PLCB1: variants seen among roughly 807,000 people sequenced by gnomAD.
PLCB1 encodes 1-phosphatidylinositol 4,5-bisphosphate phosphodiesterase beta-1.
Under a neutral mutation model 161.8 loss-of-function variants are expected in PLCB1, and 46 were observed. The observed-to-expected ratio is 0.28, with a 90% CI of 0.22 to 0.36. PLCB1 has a LOEUF of 0.36. Ranked by LOEUF, PLCB1 falls within the 10% of genes least tolerant of loss-of-function variation. PLCB1 has a pLI of 1.00. For missense variants in PLCB1, 1,016 were observed against 1,472.5 expected (o/e 0.69, Z 5.07); for synonymous variants, 517 against 503.7 (o/e 1.03, Z -0.35).
chr20:8,869,050 A>T (rs985385382), intron 31 of PLCB1, among the ~76,000 whole-genome samples: 3 of 152,194 alleles, frequency 2.0e-5, no homozygotes, highest in Non-Finnish European at 4.4e-5. Flanking sequence ...CTGAATGTTT[A>T]TTCTCTCAAG....
intron 23 of PLCB1, among the ~76,000 whole-genome samples, chr20:8,748,220 G>T (rs1340789291): frequency 6.6e-6 from 1 of 152,150 alleles, no homozygotes; most frequent in African/African-American, 2.4e-5. Flanking sequence ...ATACTGTACA[G>T]ATTTGGCATT....
intron 14 of PLCB1, among the ~76,000 whole-genome samples, chr20:8,719,599 C>A (rs1343097663): frequency 6.6e-6 from 1 of 152,008 alleles, no homozygotes; most frequent in Non-Finnish European, 1.5e-5. Flanking sequence ...CAAAAACAGG[C>A]AAAACTAATT....
chr20:8,570,332 C>T (rs1986464669), intron 3 of PLCB1, among the ~76,000 whole-genome samples: 1 of 152,058 alleles, frequency 6.6e-6, no homozygotes, highest in South Asian at 2.1e-4. Context: ...GGCTTCCACC[C>T]AGTGAGGAAG....
At chr20:8,358,434 A>G (rs1986434196) in intron 2 of PLCB1, among the ~76,000 whole-genome samples, 1 of 151,782 alleles carries the variant, frequency 6.6e-6, no homozygotes, top group Non-Finnish European at 1.5e-5. Context: ...GTATTTTTGT[A>G]CAGATGGGGT....
intron 3 of PLCB1, among the ~76,000 whole-genome samples, chr20:8,571,213 C>T (rs1328660426): frequency 2.0e-5 from 3 of 152,154 alleles, no homozygotes; most frequent in Admixed American, 6.5e-5. Context: ...TGGTGGCTCA[C>T]GCCTGTAATC....
chr20:8,304,238 A>G (rs1273031746), intron 2 of PLCB1, among the ~76,000 whole-genome samples: 1 of 152,138 alleles, frequency 6.6e-6, no homozygotes, highest in African/African-American at 2.4e-5. Flanking sequence ...TCATGTTGTC[A>G]TTAAGATTCA....
chr20:8,405,194 ATGAAGTGGCTCTGC>A (rs1176579509), intron 3 of PLCB1, among the ~76,000 whole-genome samples: 1 of 152,110 alleles, frequency 6.6e-6, no homozygotes, highest in East Asian at 1.9e-4. Flanking sequence ...CTGTGGGTTG[ATGAAGTGGCTCTGC>A]TGATTTGGGC....
intron 2 of PLCB1, among the ~76,000 whole-genome samples, chr20:8,353,028 A>G (rs1986232215): frequency 6.6e-6 from 1 of 152,140 alleles, no homozygotes; most frequent in Admixed American, 6.5e-5. Flanking sequence ...CTTTGGTATC[A>G]ATGAGCATAA....
At chr20:8,747,517 T>C (rs988348436) in intron 23 of PLCB1, among the ~76,000 whole-genome samples, 7 of 152,226 alleles carry the variant, frequency 4.6e-5, no homozygotes, top group African/African-American at 1.7e-4. Context: ...AAAAGTTGTT[T>C]GGTAATACTA....
intron 23 of PLCB1, chr20:8,751,502 T>C (rs1487243018): frequency 1.3e-5 from 2 of 152,208 alleles, no homozygotes; most frequent in Admixed American, 6.5e-5. Context: ...TCAGTTACCA[T>C]TTTACTGGTC....
chr20:8,192,476 C>G (rs6118098), intron 2 of PLCB1, among the ~76,000 whole-genome samples: 5,089 of 151,706 alleles, frequency 0.034, 290 homozygotes, highest in African/African-American at 0.11. Context: ...TCCTGAGTAT[C>G]TTAACATCAG....
chr20:8,610,869 A>G (rs956995375), intron 3 of PLCB1, among the ~76,000 whole-genome samples: 1 of 152,026 alleles, frequency 6.6e-6, no homozygotes, highest in African/African-American at 2.4e-5. Context: ...ATAAATTTCA[A>G]GTTGATTTTT....
intron 23 of PLCB1, among the ~76,000 whole-genome samples, chr20:8,750,058 A>G (rs1409406380): frequency 6.6e-6 from 1 of 152,134 alleles, no homozygotes; most frequent in Non-Finnish European, 1.5e-5. Flanking sequence ...TACAACTTGG[A>G]GGAAGAGAGT....
At chr20:8,636,290 C>T (rs1273025197) in intron 4 of PLCB1, among the ~76,000 whole-genome samples, 1 of 151,822 alleles carries the variant, frequency 6.6e-6, no homozygotes, top group East Asian at 1.9e-4. Context: ...AAAAAAATGC[C>T]TGTGTCATCT....
At chr20:8,248,494 C>T (rs1437200271) in intron 2 of PLCB1, among the ~76,000 whole-genome samples, 1 of 151,920 alleles carries the variant, frequency 6.6e-6, no homozygotes, top group Non-Finnish European at 1.5e-5. Flanking sequence ...AATGGGAGCA[C>T]AGACCCTGCA....
intron 3 of PLCB1, among the ~76,000 whole-genome samples, chr20:8,407,561 G>C (rs1320907937): frequency 2.0e-5 from 3 of 152,204 alleles, no homozygotes; most frequent in Admixed American, 6.5e-5. Flanking sequence ...AAACTCGTCA[G>C]ATCTCTTAAG....
intron 3 of PLCB1, among the ~76,000 whole-genome samples, chr20:8,417,093 TTTTTTTTTTTTG>T (rs2122532311): frequency 3.5e-5 from 4 of 113,374 alleles, no homozygotes; most frequent in Non-Finnish European, 3.6e-5. Context: ...TTTTTTTTTT[TTTTTTTTTTTTG>T]AGATGGAGTC....
chr20:8,800,574 T>C (rs1391162514), intron 31 of PLCB1, among the ~76,000 whole-genome samples: 1 of 152,204 alleles, frequency 6.6e-6, no homozygotes, highest in African/African-American at 2.4e-5. Flanking sequence ...TATGCTAGTA[T>C]ATAAAAATTT....
chr20:8,663,253 GACAC>G (rs951511488), intron 9 of PLCB1, among the ~76,000 whole-genome samples: 34 of 151,560 alleles, frequency 2.2e-4, no homozygotes, highest in African/African-American at 5.3e-4. Context: ...CATACACAGA[GACAC>G]ACACACAGTC....
Sources: gnomAD v4.1 joint callset for allele counts (sites outside exome capture counted in the v4.1 genomes callset) on GRCh38, gnomAD v4.1.1 for gene constraint, MANE v1.5 for transcripts, NCBI Gene and HGNC (gene_info 2026-07-23, HGNC 2026-07-21) for gene names.